The following ASH2L variants were observed in gnomAD, a reference collection of about 807,000 sequenced individuals.
ASH2L encodes the protein ASH2 like, histone lysine methyltransferase complex subunit.
Under a neutral mutation model 81.1 loss-of-function variants are expected in ASH2L, and 30 were observed. That is an observed-to-expected ratio of 0.37 (90% CI 0.28 to 0.50). The LOEUF (loss-of-function observed/expected upper bound fraction) is 0.50, where lower values mean the gene tolerates loss of function less well. Among genes scored for constraint, ASH2L ranks in the 20% least tolerant of loss-of-function variants. The pLI, the probability that ASH2L is intolerant of heterozygous loss-of-function variation, is 0.95. For missense variants in ASH2L, 559 were observed against 792.1 expected (o/e 0.71, Z 3.53); for synonymous variants, 273 against 279.9 (o/e 0.98, Z 0.24).
At position 38,107,028 on chromosome 8, in the gene ASH2L, C is replaced by G; in HGVS notation, c.263C>G (p.Ala88Gly). The G allele has an allele frequency of 6.2e-7, 1 of 1,613,960 alleles. No individual in the cohort carries two copies. Among genetic ancestry groups the G allele is most frequent in the Non-Finnish European group, 8.5e-7 (1 of 1,179,916 alleles). ...SSNGKDTLEGAGDTSEVMDTQ... is the reference protein window; with the variant it reads ...SSNGKDTLEGGGDTSEVMDTQ... The stretch of plus-strand genomic sequence containing the variant: ...CGAACTGCTCTGACACAGGAAGGTG[C>G]TGGGGATACATCAGAGGTGATGGAT... The change falls in exon 3 of 16, where the codon GCT (alanine) becomes GGT (glycine). Residue 88 changes from alanine to glycine, a missense_variant. Around this residue, in one of 4 missense-constraint regions of ASH2L, gnomAD observed 145 missense variants for 115.5 expected, o/e 1.26. Coordinates refer to ENST00000343823, the MANE Select transcript of ASH2L (RefSeq NM_004674.5).
intron 5 of ASH2L, among the ~76,000 whole-genome samples, chr8:38,112,886 C>G (rs935386257): frequency 6.6e-6 from 1 of 151,898 alleles, no homozygotes; most frequent in African/African-American, 2.4e-5. Flanking sequence ...AAATAACTTT[C>G]CCTCATTCTT....
intron 3 of ASH2L, among the ~76,000 whole-genome samples, chr8:38,107,735 T>A (rs975164044): frequency 6.6e-6 from 1 of 152,176 alleles, no homozygotes; most frequent in African/African-American, 2.4e-5. Context: ...TTGGAATAAT[T>A]GTACTGCTCG....
chr8:38,135,052 TAAA>T (rs779445510), intron 13 of ASH2L, among the ~76,000 whole-genome samples: 1 of 145,318 alleles, frequency 6.9e-6, no homozygotes, highest in Non-Finnish European at 1.5e-5. Flanking sequence ...CAGCTTACTT[TAAA>T]AAAAAAAAAA....
intron 3 of ASH2L, among the ~76,000 whole-genome samples, chr8:38,107,952 T>C (rs1248914534): frequency 6.6e-6 from 1 of 151,248 alleles, no homozygotes; most frequent in Non-Finnish European, 1.5e-5. Context: ...GTTTTTTTCT[T>C]GCGACTGGGT....
intron 14 of ASH2L, among the ~76,000 whole-genome samples, chr8:38,136,115 T>C (rs929255254): frequency 4.8e-5 from 7 of 145,880 alleles, no homozygotes; most frequent in Admixed American, 2.0e-4. Flanking sequence ...TTTTTTTTTT[T>C]TTTTTTTTTT....
At chr8:38,115,086 C>A in intron 7 of ASH2L, 86 bp downstream of exon 7, 1 of 852,774 alleles carries the variant, frequency 1.2e-6, no homozygotes, top group Non-Finnish European at 2.0e-6. Flanking sequence ...TGTATATTTG[C>A]CACATAACAC....
rs374923337 is a variant in ASH2L, at chr8:38,109,608, T to C, written c.402-771T>C. On this transcript the variant is annotated intron_variant, in intron 3 of 15. Transcript: ENST00000343823. ...TCTGTTGCATCCGTCTCTGCCATATTGTCTTTCCCCTCCTGGCCTCTTCCT... is the reference window on the plus strand; with the variant it reads ...TCTGTTGCATCCGTCTCTGCCATATCGTCTTTCCCCTCCTGGCCTCTTCCT... Among the ~76,000 whole-genome samples, 15 of 152,222 alleles carry C rather than the reference T, an allele frequency of 9.9e-5. No homozygotes were observed. The East Asian group carries it at 2.9e-3, about 29-fold the overall frequency.
At chr8:38,113,482 T>C (rs1386238801) in intron 5 of ASH2L, among the ~76,000 whole-genome samples, 4 of 152,086 alleles carry the variant, frequency 2.6e-5, no homozygotes, top group Non-Finnish European at 5.9e-5. Flanking sequence ...ACTCTGGTGG[T>C]GGTGCTTTTG....
intron 5 of ASH2L, 134 bp downstream of exon 5, chr8:38,110,967 CT>C (rs1190022796): frequency 1.4e-4 from 98 of 720,434 alleles, no homozygotes; most frequent in Middle Eastern, 5.8e-4. Flanking sequence ...ACCTTGTTCT[CT>C]TTTTTTTTCA....
At chr8:38,107,792 A>C (rs940527721) in intron 3 of ASH2L, among the ~76,000 whole-genome samples, 2 of 152,130 alleles carry the variant, frequency 1.3e-5, no homozygotes, top group African/African-American at 4.8e-5. Context: ...ATACATTTAT[A>C]AAAGACTATC....
chr8:38,125,282 A>C (rs1413110555), intron 10 of ASH2L, among the ~76,000 whole-genome samples: 2 of 152,174 alleles, frequency 1.3e-5, no homozygotes, highest in African/African-American at 2.4e-5. Context: ...AAAAAAATAT[A>C]TATATCACCC....
chr8:38,134,919 A>G (rs1246183421), intron 13 of ASH2L, among the ~76,000 whole-genome samples: 1 of 152,196 alleles, frequency 6.6e-6, no homozygotes, highest in Non-Finnish European at 1.5e-5. Flanking sequence ...GGATTCAGAG[A>G]TGTGACATAA....
Position 38,106,791 on chromosome 8 carries a change from G to A in ASH2L, c.256-230G>A, listed in dbSNP as rs1306659194. On this transcript the variant is annotated intron_variant, in intron 2 of 15. Coordinates refer to ENST00000343823, the MANE Select transcript of ASH2L (RefSeq NM_004674.5). Reference sequence around the variant, plus strand: ...CTCCCAGAGTGTTGGGATTACAGGCGTGAGCCACCGCGCCCGGCCTTGTTT... The same window carrying A: ...CTCCCAGAGTGTTGGGATTACAGGCATGAGCCACCGCGCCCGGCCTTGTTT... Among the ~76,000 whole-genome samples the A allele has an allele frequency of 4.0e-5, 6 of 151,432 alleles. 1 individual carries two copies. The highest frequency in any genetic ancestry group is 1.5e-4 in the African/African-American group (6 of 41,336).
rs1456740652 is a variant in ASH2L at position 38,128,934 on chromosome 8, G to T, written c.1510G>T (p.Asp504Tyr). ...CACAGAGACAGCCAAGTCATTGCCA[G>T]ACACATACAAAGATAAGGTGAGTTT... ...EDTETAKSLP[D>Y]TYKDKALIKF... Residue 504 changes from aspartate to tyrosine, a missense_variant, in exon 12 of 16, where the codon GAC becomes TAC. Asp to Tyr is a radical substitution (Grantham distance 160, BLOSUM62 -3). Around this residue, in one of 4 missense-constraint regions of ASH2L, gnomAD observed 318 missense variants for 527.0 expected, o/e 0.60. Transcript: ENST00000343823. The T allele has an allele frequency of 6.2e-7, 1 of 1,613,012 alleles. No individual in the cohort carries two copies. Among genetic ancestry groups the T allele is most frequent in the East Asian group, 2.2e-5 (1 of 44,886 alleles).
intron 3 of ASH2L, among the ~76,000 whole-genome samples, chr8:38,109,349 T>C (rs1810586777): frequency 6.6e-6 from 1 of 152,224 alleles, no homozygotes. Flanking sequence ...TGTTTCGTAA[T>C]TCCATGAGGG....
intron 14 of ASH2L, 118 bp from the exon 15 acceptor site, chr8:38,138,697 TC>T: frequency 1.3e-6 from 1 of 772,568 alleles, no homozygotes; most frequent in South Asian, 1.7e-5. Context: ...TCTTATTTGT[TC>T]CATTTATCCC....
At chr8:38,127,291 C>T (rs954212166) in intron 10 of ASH2L, among the ~76,000 whole-genome samples, 3 of 146,272 alleles carry the variant, frequency 2.1e-5, no homozygotes, top group Non-Finnish European at 4.5e-5. Flanking sequence ...TGTGGTTGTG[C>T]GACTGAGTAA....
chr8:38,114,092 C>A, intron 5 of ASH2L, 100 bp from the exon 6 acceptor site: 1 of 697,668 alleles, frequency 1.4e-6, no homozygotes, highest in Non-Finnish European at 2.3e-6. Flanking sequence ...ATGGATTTTT[C>A]TCTTGATTCT....
intron 2 of ASH2L, 51 bp from the exon 3 acceptor site, chr8:38,106,965 ATAAAG>A (rs1301854404): frequency 8.1e-6 from 13 of 1,601,092 alleles, no homozygotes; most frequent in Non-Finnish European, 9.4e-6. Context: ...AAAAAATAAA[ATAAAG>A]TAAAATACAT....
Sources: allele counts gnomAD v4.1 joint callset (sites outside exome capture counted in the v4.1 genomes callset), GRCh38; gene constraint gnomAD v4.1.1; regional missense constraint gnomAD v4.1.1; transcripts MANE v1.5; gene names NCBI Gene and HGNC (gene_info 2026-07-23, HGNC 2026-07-21).